SLF1: variants seen among roughly 807,000 people sequenced by gnomAD.
SLF1 encodes the protein SMC5-SMC6 complex localization factor protein 1.
In SLF1, 105 loss-of-function variants were observed where a neutral mutation model predicts 123.0. The ratio of observed to expected loss-of-function variants is 0.85; its 90% CI spans 0.73 to 1.00. The LOEUF (loss-of-function observed/expected upper bound fraction) is 1.00, where lower values mean the gene tolerates loss of function less well. Ranked by LOEUF, SLF1 falls within the 50% of genes least tolerant of loss-of-function variation. SLF1 has a pLI of 0.00. For missense variants in SLF1, 1,239 were observed against 1,223.0 expected (o/e 1.01, Z -0.20); for synonymous variants, 434 against 406.6 (o/e 1.07, Z -0.81).
chr5:94,696,499 T>C lies in SLF1; in HGVS notation c.*1187T>C, dbSNP rs1753518290. 1 of 151,846 alleles carries C rather than the reference T, an allele frequency of 6.6e-6. No homozygotes were observed. Among genetic ancestry groups the C allele is most frequent in the South Asian group, 2.1e-4 (1 of 4,826 alleles). The allele number at this position is 151,846 out of a possible 1,614,324, so 9.4% of individuals were successfully genotyped here. A position where few individuals can be genotyped will look rare whatever the true frequency, so the allele number is the denominator to read the frequency against. On this transcript the variant is annotated 3_prime_UTR_variant, in exon 21 of 21. Transcript: ENST00000265140. ...CTAGTTTCTATTTAGCCTTCAAATT[T>C]GGCATCATACAAATCTCTTTATTAT...
chr5:94,691,800 G>C (rs1753077229), intron 19 of SLF1, 144 bp downstream of exon 19: 1 of 700,702 alleles, frequency 1.4e-6, no homozygotes. Context: ...GCAAAGCCAA[G>C]AAATTTCTCA....
intron 4 of SLF1, among the ~76,000 whole-genome samples, chr5:94,635,424 TA>T (rs1420254770): frequency 6.6e-6 from 1 of 151,218 alleles, no homozygotes; most frequent in African/African-American, 2.4e-5. Flanking sequence ...CATTTATGTT[TA>T]GGGTTATTAT....
intron 1 of SLF1, among the ~76,000 whole-genome samples, chr5:94,623,892 C>T (rs373986251): frequency 5.9e-5 from 9 of 152,012 alleles, no homozygotes; most frequent in East Asian, 1.9e-4. Context: ...ATATCTATTC[C>T]TACATATATA....
intron 14 of SLF1, among the ~76,000 whole-genome samples, chr5:94,674,846 T>G (rs1285010227): frequency 6.6e-6 from 1 of 152,192 alleles, no homozygotes; most frequent in Non-Finnish European, 1.5e-5. Context: ...CCACTTTTCT[T>G]TGAGATGTTC....
rs1474249203 is a variant in SLF1, at chr5:94,676,999, A to G, written c.1828-1809A>G. On this transcript the variant is annotated intron_variant, in intron 14 of 20. Transcript: ENST00000265140. ...TAGGGATTTCTTTCTCACTAATCCC[A>G]TATTAGGCATAATATGTGCTAGTTT... 5.3e-5 allele frequency among the ~76,000 whole-genome samples: 8 copies of G among 152,340 alleles called. No homozygotes were observed. In the East Asian group the frequency reaches 1.3e-3, roughly 26 times the overall value.
chr5:94,638,693 G>T (rs1746094073), intron 4 of SLF1, among the ~76,000 whole-genome samples: 1 of 152,198 alleles, frequency 6.6e-6, no homozygotes. Context: ...TAAGGGAGAG[G>T]TGTGATGGGT....
At chr5:94,620,223 A>G (rs1266640465) in intron 1 of SLF1, 1 of 152,194 alleles carries the variant, frequency 6.6e-6, no homozygotes, top group East Asian at 1.9e-4. Context: ...CAAATACTTG[A>G]ATGTTTAAGT....
intron 20 of SLF1, among the ~76,000 whole-genome samples, chr5:94,692,643 T>A (rs550156439): frequency 2.3e-4 from 35 of 152,294 alleles, no homozygotes; most frequent in Admixed American, 2.1e-3. Context: ...CTGGATTTTT[T>A]CATTTCCTGT....
chr5:94,626,565 A>C (rs141500986), intron 1 of SLF1, among the ~76,000 whole-genome samples: 235 of 152,294 alleles, frequency 1.5e-3, no homozygotes, highest in African/African-American at 5.3e-3. Context: ...AAATGCAAAA[A>C]TCAGATAAAT....
chr5:94,623,250 A>G (rs569803175), intron 1 of SLF1, among the ~76,000 whole-genome samples: 2 of 152,272 alleles, frequency 1.3e-5, no homozygotes, highest in Admixed American at 6.5e-5. Flanking sequence ...GAAACTCCAT[A>G]CCACAGAGAC....
chr5:94,675,323 A>G (rs565592160), intron 14 of SLF1, among the ~76,000 whole-genome samples: 55 of 152,348 alleles, frequency 3.6e-4, no homozygotes, highest in African/African-American at 1.2e-3. Context: ...TATATATCAT[A>G]TATGCAAATC....
In SLF1 at chr5:94,688,555, G is replaced by C. The variant is rs148667894; in HGVS notation, c.2171G>C (p.Gly724Ala). 1.2e-6 allele frequency: 2 copies of C among 1,614,028 alleles called. No individual in the cohort carries two copies. The highest frequency in any genetic ancestry group is 1.7e-6 in the Non-Finnish European group (2 of 1,179,972). Residue 724 changes from glycine to alanine, a missense_variant, in exon 17 of 21, where the codon GGA becomes GCA. Gly to Ala is a moderately conservative substitution (Grantham distance 60). Coordinates refer to ENST00000265140, the MANE Select transcript of SLF1 (RefSeq NM_032290.4). ...GGGAAAACTGGTGTGCTTGGGTCTG[G>C]AAAGATTCAGGTGTCAAAGAAAATA... ...ALGKTGVLGS[G>A]KIQVSKKIGQ... is the part of the protein sequence containing the mutation.
intron 4 of SLF1, among the ~76,000 whole-genome samples, chr5:94,636,238 TTTGA>T (rs1745757593): frequency 6.6e-6 from 1 of 152,186 alleles, no homozygotes; most frequent in Non-Finnish European, 1.5e-5. Flanking sequence ...TTTTTGATAG[TTTGA>T]TTATTATATA....
intron 15 of SLF1, among the ~76,000 whole-genome samples, chr5:94,684,699 A>C (rs1752212654): frequency 3.3e-5 from 1 of 30,644 alleles, no homozygotes; most frequent in African/African-American, 2.2e-4. Context: ...CTCTGTCTCA[A>C]AAAAAAAAAA....
At chr5:94,634,371 A>G (rs1004915432) in intron 4 of SLF1, among the ~76,000 whole-genome samples, 3 of 152,164 alleles carry the variant, frequency 2.0e-5, no homozygotes, top group Non-Finnish European at 2.9e-5. Context: ...TATGCGTTCA[A>G]CTTTTAGGTT....
chr5:94,649,897 A>G (rs1747484185), intron 6 of SLF1, among the ~76,000 whole-genome samples: 1 of 152,294 alleles, frequency 6.6e-6, no homozygotes, highest in Middle Eastern at 3.4e-3. Flanking sequence ...TTTAGGTAAC[A>G]TCGTGTGTCT....
intron 15 of SLF1, among the ~76,000 whole-genome samples, chr5:94,679,727 T>C (rs1197496046): frequency 6.6e-6 from 1 of 152,130 alleles, no homozygotes; most frequent in East Asian, 1.9e-4. Context: ...TCTTCTTTTC[T>C]CCCCATTACC....
At chr5:94,690,519 G>A (rs1443516838) in intron 18 of SLF1, among the ~76,000 whole-genome samples, 1 of 152,062 alleles carries the variant, frequency 6.6e-6, no homozygotes, top group Non-Finnish European at 1.5e-5. Context: ...AATGATTTTA[G>A]GCAGAACAGC....
chr5:94,635,196 A>T (rs985040003), intron 4 of SLF1, among the ~76,000 whole-genome samples: 4 of 151,974 alleles, frequency 2.6e-5, no homozygotes. Flanking sequence ...TTCAATGTAA[A>T]TTCTATTTTG....
Sources: allele counts gnomAD v4.1 joint callset (sites outside exome capture counted in the v4.1 genomes callset), GRCh38; gene constraint gnomAD v4.1.1; transcripts MANE v1.5; gene names NCBI Gene and HGNC (gene_info 2026-07-23, HGNC 2026-07-21).